The following CENPK variants were observed in gnomAD, a reference collection of about 807,000 sequenced individuals.
CENPK encodes SoxLZ/Sox6-binding protein Solt.
A neutral mutation model predicts 40.9 loss-of-function variants in CENPK; 46 were observed. That is an observed-to-expected ratio of 1.13 (90% CI 0.89 to 1.44). The LOEUF is 1.44. Among genes scored for constraint, CENPK ranks in the 40% most tolerant of loss-of-function variants. The pLI is 0.00. For missense variants in CENPK, 288 were observed against 303.5 expected (o/e 0.95, Z 0.38); for synonymous variants, 107 against 104.4 (o/e 1.02, Z -0.15).
chr5:65,533,435 A>G (rs189768239), intron 6 of CENPK, among the ~76,000 whole-genome samples: 11 of 152,256 alleles, frequency 7.2e-5, no homozygotes, highest in Non-Finnish European at 1.5e-4. Context: ...AATCTGCTTA[A>G]AAGTGTCTAC....
chr5:65,524,322 T>C (rs1744283982), intron 9 of CENPK, among the ~76,000 whole-genome samples: 1 of 150,596 alleles, frequency 6.6e-6, no homozygotes, highest in African/African-American at 2.4e-5. Flanking sequence ...GAGGTGGAGC[T>C]TACAGTGAGC....
intron 6 of CENPK, among the ~76,000 whole-genome samples, chr5:65,530,354 GT>G (rs1380877319): frequency 1.3e-5 from 2 of 152,132 alleles, no homozygotes; most frequent in Non-Finnish European, 2.9e-5. Context: ...AGAAATAGAT[GT>G]TTTAGGTAGT....
intron 6 of CENPK, among the ~76,000 whole-genome samples, chr5:65,536,021 T>C (rs1017212222): frequency 6.6e-6 from 1 of 152,174 alleles, no homozygotes; most frequent in South Asian, 2.1e-4. Context: ...TATACAATGA[T>C]AGAACCAGCT....
the CENPK span, among the ~76,000 whole-genome samples, chr5:65,497,921 C>A: frequency 6.6e-6 from 1 of 151,936 alleles, no homozygotes; most frequent in Non-Finnish European, 1.5e-5. Flanking sequence ...ATTCAAAAGT[C>A]TATTTAAGTT....
At chr5:65,543,432 T>C (rs1235746904) in intron 5 of CENPK, among the ~76,000 whole-genome samples, 4 of 152,360 alleles carry the variant, frequency 2.6e-5, no homozygotes, top group Non-Finnish European at 5.9e-5. Context: ...TGTAGTCATA[T>C]ATCCTATGTA....
chr5:65,555,001 G>T (rs2150533345), intron 2 of CENPK, 55 bp from the exon 3 acceptor site: 2 of 768,168 alleles, frequency 2.6e-6, no homozygotes, highest in African/African-American at 1.7e-5. Flanking sequence ...CTTATTACCT[G>T]CCAGATACTC....
intron 2 of CENPK, among the ~76,000 whole-genome samples, chr5:65,559,844 T>C (rs993588001): frequency 1.3e-5 from 2 of 151,952 alleles, no homozygotes; most frequent in Non-Finnish European, 2.9e-5. Flanking sequence ...ATGACAGAGA[T>C]GACAAGGCAA....
chr5:65,508,043 T>G, the CENPK span, among the ~76,000 whole-genome samples: 2 of 152,246 alleles, frequency 1.3e-5, no homozygotes, highest in Non-Finnish European at 2.9e-5. Flanking sequence ...TCAAGATATT[T>G]TGATTATTGA....
intron 6 of CENPK, among the ~76,000 whole-genome samples, chr5:65,533,682 A>G (rs1473882831): frequency 1.3e-5 from 2 of 152,192 alleles, no homozygotes; most frequent in Non-Finnish European, 2.9e-5. Flanking sequence ...AAGTTTCTCA[A>G]GTTCACTGGA....
intron 6 of CENPK, among the ~76,000 whole-genome samples, chr5:65,538,616 T>C (rs1747384473): frequency 6.6e-6 from 1 of 152,170 alleles, no homozygotes; most frequent in African/African-American, 2.4e-5. Flanking sequence ...TAAGTTTTAT[T>C]TTTCATAAAT....
At chr5:65,545,343 C>T (rs1368843120) in intron 5 of CENPK, among the ~76,000 whole-genome samples, 1 of 62,342 alleles carries the variant, frequency 1.6e-5, no homozygotes, top group Non-Finnish European at 4.0e-5. Context: ...CACACACACA[C>T]ACACACACAC....
chr5:65,499,910 T>G, the CENPK span, among the ~76,000 whole-genome samples: 3 of 101,480 alleles, frequency 3.0e-5, no homozygotes, highest in Non-Finnish European at 6.4e-5. Context: ...TGAGTGAGAA[T>G]ATGCGGTGTT....
the CENPK span, among the ~76,000 whole-genome samples, chr5:65,497,126 G>A: frequency 1.3e-5 from 2 of 151,500 alleles, no homozygotes; most frequent in Non-Finnish European, 1.5e-5. Context: ...CCAGCACTTT[G>A]GGAGGCTGAG....
chr5:65,517,506 G>C (rs1742959445), downstream of CENPK, among the ~76,000 whole-genome samples: 1 of 152,090 alleles, frequency 6.6e-6, no homozygotes, highest in African/African-American at 2.4e-5. Context: ...TCTACAGAGG[G>C]ATTTGGTATA....
At position 65,518,341 on chromosome 5, in the gene CENPK, T is replaced by C. The variant is rs1051477604; in HGVS notation, c.*134A>G. 2.5e-6 allele frequency: 2 copies of C among 797,554 alleles called. No individual in the cohort carries two copies. The highest frequency in any genetic ancestry group is 1.8e-5 in the African/African-American group (1 of 56,610). 49.4% of individuals were successfully genotyped at this position (797,554 alleles called of 1,614,324 possible). A position where few individuals can be genotyped will look rare whatever the true frequency, so the allele number is the denominator to read the frequency against. On this transcript the variant is annotated 3_prime_UTR_variant, in exon 11 of 11. Transcript: ENST00000396679. ...AAAATGAATAATAGATGGCAGCACA[T>C]GCCATTTTGCAATAAAAGTAAGATG... is the stretch of plus-strand genomic sequence containing the variant.
In CENPK at chr5:65,549,773, C is replaced by T. The variant is rs148454162; in HGVS notation, c.241+1791G>A. On this transcript the variant is annotated intron_variant, in intron 5 of 10. Coordinates refer to ENST00000396679, the MANE Select transcript of CENPK (RefSeq NM_022145.5). ...AGAGCTAGGGCTTTGTTGTGGATTA[C>T]GCTTTGGCTTAGGGAATGATGGCTG... is the stretch of plus-strand genomic sequence containing the variant. Among the ~76,000 whole-genome samples the T allele has an allele frequency of 3.0e-3, 457 of 152,262 alleles. 3 individuals are homozygous for T. The highest frequency in any genetic ancestry group is 0.01 in the African/African-American group (426 of 41,542).
downstream of CENPK, among the ~76,000 whole-genome samples, chr5:65,513,967 G>T (rs932760550): frequency 2.6e-5 from 4 of 152,098 alleles, no homozygotes; most frequent in African/African-American, 9.7e-5. Context: ...TGCATGTATT[G>T]ATATGATCAT....
At chr5:65,508,718 A>G in the CENPK span, among the ~76,000 whole-genome samples, 1 of 150,012 alleles carries the variant, frequency 6.7e-6, no homozygotes, top group Non-Finnish European at 1.5e-5. Flanking sequence ...CCTGAGAGGC[A>G]GAGGTTACAG....
intron 9 of CENPK, among the ~76,000 whole-genome samples, chr5:65,523,198 C>CGGCTA (rs1744089609): frequency 6.6e-6 from 1 of 152,078 alleles, no homozygotes; most frequent in Non-Finnish European, 1.5e-5. Flanking sequence ...ACTATCTAGC[C>CGGCTA]CTCTTACTTT....
Sources: allele counts gnomAD v4.1 joint callset (sites outside exome capture counted in the v4.1 genomes callset), GRCh38; gene constraint gnomAD v4.1.1; transcripts MANE v1.5; gene names NCBI Gene and HGNC (gene_info 2026-07-23, HGNC 2026-07-21).